The following MAGI2 variants were observed in gnomAD, a reference collection of about 807,000 sequenced individuals.
MAGI2 encodes membrane associated guanylate kinase, WW and PDZ domain containing 2, also known as membrane-associated guanylate kinase, WW and PDZ domain-containing protein 2.
A neutral mutation model predicts 133.3 loss-of-function variants in MAGI2; 35 were observed. The ratio of observed to expected loss-of-function variants is 0.26; its 90% CI spans 0.20 to 0.35. MAGI2 has a LOEUF of 0.35. Among genes scored for constraint, MAGI2 ranks in the 10% least tolerant of loss-of-function variants. MAGI2 has a pLI of 1.00. For missense variants in MAGI2, 1,636 were observed against 1,863.4 expected (o/e 0.88, Z 2.25); for synonymous variants, 729 against 710.6 (o/e 1.03, Z -0.41).
chr7:78,195,087 A>G (rs200241238), intron 11 of MAGI2, 24 bp from the exon 12 acceptor site: 1 of 1,548,522 alleles, frequency 6.5e-7, no homozygotes. Flanking sequence ...GAGGACAGAG[A>G]AAATGACTGA....
intron 2 of MAGI2, among the ~76,000 whole-genome samples, chr7:78,807,820 C>T (rs535471580): frequency 2.3e-4 from 35 of 151,920 alleles, no homozygotes; most frequent in African/African-American, 7.5e-4. Flanking sequence ...TATTGGATAC[C>T]GTGCTTCAGG....
intron 20 of MAGI2, among the ~76,000 whole-genome samples, chr7:78,094,986 T>A (rs776458400): frequency 6.6e-6 from 1 of 152,124 alleles, no homozygotes; most frequent in Non-Finnish European, 1.5e-5. Context: ...AAGGAAGTGC[T>A]GGTAGCAGGG....
intron 1 of MAGI2, among the ~76,000 whole-genome samples, chr7:79,047,208 T>C (rs2116956699): frequency 6.6e-6 from 1 of 152,262 alleles, no homozygotes; most frequent in African/African-American, 2.4e-5. Flanking sequence ...CATATAACTA[T>C]ATAACATATT....
At chr7:79,252,472 A>T (rs2129555775) in intron 1 of MAGI2, among the ~76,000 whole-genome samples, 1 of 152,298 alleles carries the variant, frequency 6.6e-6, no homozygotes, top group South Asian at 2.1e-4. Context: ...GAGGAGTGGT[A>T]GGAAGGGGAA....
At chr7:79,124,899 G>C (rs1032564390) in intron 1 of MAGI2, 11 of 278,914 alleles carry the variant, frequency 3.9e-5, no homozygotes, top group African/African-American at 2.5e-4. Flanking sequence ...CCCTCCAGGG[G>C]CTTTGGGTTT....
At chr7:78,167,611 GTTC>G (rs1443978914) in intron 15 of MAGI2, among the ~76,000 whole-genome samples, 3 of 152,116 alleles carry the variant, frequency 2.0e-5, no homozygotes, top group Admixed American at 6.5e-5. Flanking sequence ...TGACTATCAT[GTTC>G]TTCTTAGAAC....
At chr7:78,533,312 A>C (rs556382627) in intron 3 of MAGI2, among the ~76,000 whole-genome samples, 120 of 152,360 alleles carry the variant, frequency 7.9e-4, no homozygotes, top group African/African-American at 2.7e-3. Flanking sequence ...AGAAACGAGC[A>C]CAGTAGGGAA....
chr7:78,020,223 C>T (rs920120538), intron 21 of MAGI2, among the ~76,000 whole-genome samples: 45 of 152,238 alleles, frequency 3.0e-4, no homozygotes, highest in African/African-American at 1.0e-3. Flanking sequence ...GGGAGGCCAA[C>T]GCGAAGCCCA....
chr7:78,799,128 C>T (rs1235593579), intron 2 of MAGI2, among the ~76,000 whole-genome samples: 1 of 152,100 alleles, frequency 6.6e-6, no homozygotes, highest in Admixed American at 6.6e-5. Context: ...TTGCTGGTGT[C>T]CCTTTTATGT....
chr7:78,763,647 G>A (rs747549335), intron 2 of MAGI2, among the ~76,000 whole-genome samples: 4 of 152,084 alleles, frequency 2.6e-5, no homozygotes, highest in African/African-American at 7.2e-5. Context: ...AGGCCTAAGC[G>A]AAACCCCGCT....
Position 78,017,824 on chromosome 7 carries a change from C to T in MAGI2, c.*1491G>A, listed in dbSNP as rs1807915465. ...GTGACCTTTGAGATGGACCTGATCG[C>T]CCCTTTTACTTTTTAGACTACAAGT... On this transcript the variant is annotated 3_prime_UTR_variant, in exon 22 of 22. Transcript: ENST00000354212. 6.6e-6 allele frequency: 1 copy of T among 152,272 alleles called. No individual in the cohort carries two copies. Among genetic ancestry groups the T allele is most frequent in the Admixed American group, 6.5e-5 (1 of 15,274 alleles). The allele number at this position is 152,272 out of a possible 1,614,324, so 9.4% of individuals were successfully genotyped here.
At chr7:79,299,553 T>TAAA (rs1837216946) in intron 1 of MAGI2, among the ~76,000 whole-genome samples, 1 of 1,238 alleles carries the variant, frequency 8.1e-4, no homozygotes, top group African/African-American at 1.9e-3. Context: ...AGACTCCATC[T>TAAA]CAAAAAAAAA....
intron 1 of MAGI2, among the ~76,000 whole-genome samples, chr7:79,363,617 G>A (rs1417176708): frequency 6.6e-6 from 1 of 151,090 alleles, no homozygotes; most frequent in Non-Finnish European, 1.5e-5. Flanking sequence ...GAAGGAAACA[G>A]GGGAAGTTTT....
chr7:78,827,727 A>G (rs1311798626), intron 2 of MAGI2, among the ~76,000 whole-genome samples: 1 of 152,164 alleles, frequency 6.6e-6, no homozygotes, highest in East Asian at 1.9e-4. Context: ...AACACAACCA[A>G]AAGTATAAAA....
intron 1 of MAGI2, among the ~76,000 whole-genome samples, chr7:79,051,195 A>G (rs572900497): frequency 6.6e-6 from 1 of 152,300 alleles, no homozygotes; most frequent in Non-Finnish European, 1.5e-5. Flanking sequence ...TACTCTATCT[A>G]ATCTAGGGGA....
chr7:78,058,003 A>ATATATATATGTGTGTGTGTGTGTGTG, intron 21 of MAGI2, among the ~76,000 whole-genome samples: 1 of 117,060 alleles, frequency 8.5e-6, no homozygotes, highest in Admixed American at 8.0e-5. Context: ...ATATATATAT[A>ATATATATATGTGTGTGTGTGTGTGTG]TGTATGAGAA....
At chr7:78,874,368 TA>T (rs1795258471) in intron 2 of MAGI2, among the ~76,000 whole-genome samples, 1 of 152,202 alleles carries the variant, frequency 6.6e-6, no homozygotes, top group African/African-American at 2.4e-5. Context: ...TACAAATATT[TA>T]GCATCTGATA....
At chr7:78,062,151 A>T (rs141914944) in intron 21 of MAGI2, among the ~76,000 whole-genome samples, 1 of 152,140 alleles carries the variant, frequency 6.6e-6, no homozygotes, top group Admixed American at 6.5e-5. Flanking sequence ...ATGGTATCTT[A>T]CTCATCTTTG....
chr7:78,435,349 T>G (rs769494008), intron 6 of MAGI2, among the ~76,000 whole-genome samples: 6 of 152,098 alleles, frequency 3.9e-5, no homozygotes, highest in African/African-American at 1.2e-4. Flanking sequence ...GGTCAGAAAT[T>G]CAAGTTGTTA....
Sources: gnomAD v4.1 joint callset for allele counts (sites outside exome capture counted in the v4.1 genomes callset) on GRCh38, gnomAD v4.1.1 for gene constraint, MANE v1.5 for transcripts, NCBI Gene and HGNC (gene_info 2026-07-23, HGNC 2026-07-21) for gene names.